Variants in PFKFB3 observed in about 807,000 individuals in gnomAD.
The protein encoded by PFKFB3 is 6-phosphofructo-2-kinase/fructose-2,6-bisphosphatase 3.
A neutral mutation model predicts 68.0 loss-of-function variants in PFKFB3; 33 were observed. The observed-to-expected ratio is 0.49, with a 90% confidence interval of 0.37 to 0.65. PFKFB3 has a LOEUF of 0.65. Ranked by LOEUF, PFKFB3 falls within the 30% of genes least tolerant of loss-of-function variation. PFKFB3 has a pLI of 0.00. For missense variants in PFKFB3, 586 were observed against 712.2 expected (o/e 0.82, Z 2.02); for synonymous variants, 315 against 288.2 (o/e 1.09, Z -0.94).
At chr10:6,307,560 T>C in the PFKFB3 span, among the ~76,000 whole-genome samples, 1 of 129,000 alleles carries the variant, frequency 7.8e-6, no homozygotes, top group Non-Finnish European at 1.7e-5. Context: ...CTTCCTTCCT[T>C]CCTTCCTTCC....
intron 14 of PFKFB3, among the ~76,000 whole-genome samples, chr10:6,249,089 G>A (rs1176281875): frequency 2.0e-5 from 3 of 149,906 alleles, no homozygotes; most frequent in Admixed American, 6.7e-5. Flanking sequence ...CAGGAGAATC[G>A]CTTGAACCCA....
chr10:6,325,262 C>T, the PFKFB3 span, among the ~76,000 whole-genome samples: 1 of 152,172 alleles, frequency 6.6e-6, no homozygotes, highest in African/African-American at 2.4e-5. Flanking sequence ...CTGCGCCCAG[C>T]CTGGCATACA....
At chr10:6,225,536 G>A (rs1254502336) in intron 13 of PFKFB3, among the ~76,000 whole-genome samples, 3 of 152,252 alleles carry the variant, frequency 2.0e-5, no homozygotes, top group East Asian at 1.9e-4. Flanking sequence ...TGGGGGCAGG[G>A]CCATGATGGA....
At chr10:6,196,982 ATTAT>A (rs1329876515) in intron 1 of PFKFB3, among the ~76,000 whole-genome samples, 2 of 151,380 alleles carry the variant, frequency 1.3e-5, no homozygotes, top group Non-Finnish European at 2.9e-5. Context: ...TGTACTTATT[ATTAT>A]TATTATTATT....
chr10:6,321,431 C>T, the PFKFB3 span, among the ~76,000 whole-genome samples: 1 of 152,148 alleles, frequency 6.6e-6, no homozygotes, highest in African/African-American at 2.4e-5. Flanking sequence ...TGTGACCCAA[C>T]ATTCTGCTTC....
At chr10:6,297,148 T>C in the PFKFB3 span, among the ~76,000 whole-genome samples, 1 of 152,202 alleles carries the variant, frequency 6.6e-6, no homozygotes, top group Non-Finnish European at 1.5e-5. Context: ...GCCTGTGACA[T>C]TCCTTTGTGT....
At chr10:6,145,082 C>A (rs1841332709) in intron 1 of PFKFB3, 1 of 1,228,310 alleles carries the variant, frequency 8.1e-7, no homozygotes, top group Non-Finnish European at 1.0e-6. Context: ...CCTGTGGGTA[C>A]CCGAGCCTTG....
the PFKFB3 span, among the ~76,000 whole-genome samples, chr10:6,323,923 T>C: frequency 6.6e-6 from 1 of 152,138 alleles, no homozygotes; most frequent in Non-Finnish European, 1.5e-5. Flanking sequence ...CCCCAAAGTA[T>C]TGAGAGCAGG....
At chr10:6,259,613 TCCATCCAC>T (rs1356916484), downstream of PFKFB3, among the ~76,000 whole-genome samples, 3 of 150,890 alleles carry the variant, frequency 2.0e-5, no homozygotes, top group African/African-American at 4.9e-5. Context: ...CATCCATCCA[TCCATCCAC>T]CCATCCATCC....
At chr10:6,211,861 G>T (rs1844252355) in intron 1 of PFKFB3, among the ~76,000 whole-genome samples, 1 of 152,218 alleles carries the variant, frequency 6.6e-6, no homozygotes, top group Non-Finnish European at 1.5e-5. Flanking sequence ...GCATGGAGGG[G>T]ACAAAGGCCC....
Position 6,149,113 on chromosome 10 carries a change from C to T in PFKFB3, c.16+4100C>T, listed in dbSNP as rs955554660. Among the ~76,000 whole-genome samples the T allele has an allele frequency of 9.3e-5, 14 of 151,286 alleles. No individual in the cohort carries two copies. In the East Asian group the frequency reaches 9.7e-4, roughly 11 times the overall value. On this transcript the variant is annotated intron_variant, in intron 1 of 14. Transcript: ENST00000379789. ...AAATAAATAAGACAGATGGTGTAGA[C>T]GGTGACTCATCTCAGGTGATGGAGG...
At chr10:6,277,862 GGACT>G in the PFKFB3 span, 1 of 225,688 alleles carries the variant, frequency 4.4e-6, no homozygotes, top group South Asian at 4.4e-5. Context: ...ACCTGCTAGT[GGACT>G]TCTTCATTCA....
At chr10:6,252,425 C>T (rs1429453889) in intron 14 of PFKFB3, among the ~76,000 whole-genome samples, 1 of 152,202 alleles carries the variant, frequency 6.6e-6, no homozygotes, top group Non-Finnish European at 1.5e-5. Context: ...GTTCATCTCT[C>T]TTGATTCATC....
rs754236400 is a variant in PFKFB3 at position 6,215,562 on chromosome 10, T to C, written c.299+245T>C. On this transcript the variant is annotated intron_variant, in intron 3 of 14. Transcript: ENST00000379775. This position sits in a 1 kb window ranked among gnomAD's most constrained non-coding sequence, Gnocchi z 4.3. The stretch of plus-strand genomic sequence containing the variant: ...TGGGTCCTGCTGGTGGCTTCAGGGC[T>C]GTGCAGTGTGGGAACAAGGTTGCTG... Among the ~76,000 whole-genome samples, 33 of 152,260 alleles carry C rather than the reference T, an allele frequency of 2.2e-4. No individual in the cohort carries two copies. The highest frequency in any genetic ancestry group is 4.4e-4 in the Non-Finnish European group (30 of 68,010).
intron 1 of PFKFB3, among the ~76,000 whole-genome samples, chr10:6,162,620 A>T (rs999279243): frequency 6.6e-6 from 1 of 151,912 alleles, no homozygotes; most frequent in Non-Finnish European, 1.5e-5. Context: ...ACCAATGTGG[A>T]CTCCGGGATT....
At chr10:6,249,638 T>G (rs1406192109) in intron 14 of PFKFB3, among the ~76,000 whole-genome samples, 1 of 152,044 alleles carries the variant, frequency 6.6e-6, no homozygotes, top group Non-Finnish European at 1.5e-5. Context: ...TCCGAAACAG[T>G]CAAACTCAAA....
At chr10:6,264,641 C>A in the PFKFB3 span, among the ~76,000 whole-genome samples, 1 of 152,110 alleles carries the variant, frequency 6.6e-6, no homozygotes, top group East Asian at 1.9e-4. Flanking sequence ...TACAGAGAAA[C>A]CCCTTGTTCC....
downstream of PFKFB3, among the ~76,000 whole-genome samples, chr10:6,255,044 T>C (rs1383693460): frequency 1.3e-5 from 2 of 151,924 alleles, no homozygotes; most frequent in African/African-American, 4.8e-5. Context: ...CTCGAACTCC[T>C]GATCTCAAGT....
chr10:6,167,126 CCTTT>C, intron 1 of PFKFB3, among the ~76,000 whole-genome samples: 1 of 152,302 alleles, frequency 6.6e-6, no homozygotes. Context: ...GGCCTCCTAG[CCTTT>C]CTTTTTTGCA....
Sources: gnomAD v4.1 joint callset for allele counts (sites outside exome capture counted in the v4.1 genomes callset) on GRCh38, gnomAD v4.1.1 for gene constraint, Gnocchi (gnomAD v3.1) non-coding constraint, MANE v1.5 for transcripts, NCBI Gene and HGNC (gene_info 2026-07-23, HGNC 2026-07-21) for gene names.